Variants in DDB1 observed in about 807,000 individuals in gnomAD.
DDB1 encodes the protein damage specific DNA binding protein 1.
DDB1 carries 18 observed loss-of-function variants against 133.1 expected under a neutral mutation model. That is an observed-to-expected ratio of 0.14 (90% CI 0.09 to 0.20). The LOEUF (loss-of-function observed/expected upper bound fraction) is 0.20, where lower values mean the gene tolerates loss of function less well. DDB1 is among the 10% of genes least tolerant of loss of function. DDB1 has a pLI of 1.00. For missense variants in DDB1, 828 were observed against 1,459.2 expected (o/e 0.57, Z 7.05); for synonymous variants, 580 against 550.5 (o/e 1.05, Z -0.75).
chr11:61,314,209 G>A lies in DDB1; in HGVS notation c.1591C>T (p.His531Tyr). The A allele has an allele frequency of 6.2e-7, 1 of 1,600,320 alleles. No homozygotes were observed. Among genetic ancestry groups the A allele is most frequent in the Non-Finnish European group, 8.5e-7 (1 of 1,172,986 alleles). Residue 531 changes from histidine to tyrosine, a missense_variant and splice_region_variant, in exon 14 of 27, where the codon CAC (histidine) becomes TAC (tyrosine). This residue lies in a region of DDB1 where 396 missense variants were observed against 554.1 expected (regional missense o/e 0.71). Transcript: ENST00000301764. Reference sequence around the variant, plus strand: ...GCCACTTCATGTTCCATCTCTGTGTGGCTGAACAAAGAAGAATATGGCAGA... The same window carrying A: ...GCCACTTCATGTTCCATCTCTGTGTAGCTGAACAAAGAAGAATATGGCAGA... ...IHPQELRQIS[H>Y]TEMEHEVACL...
At chr11:61,330,152 A>G in intron 2 of DDB1, 78 bp from the exon 3 acceptor site, 1 of 1,191,600 alleles carries the variant, frequency 8.4e-7, no homozygotes. Flanking sequence ...AGCACACCAA[A>G]TTCTTTAAGA....
In DDB1 at chr11:61,333,002, C is replaced by A; in HGVS notation, c.-34G>T. 1 of 1,479,446 alleles carries A rather than the reference C, an allele frequency of 6.8e-7. No individual in the cohort carries two copies. The highest frequency in any genetic ancestry group is 9.0e-7 in the Non-Finnish European group (1 of 1,105,672). 91.6% of individuals were successfully genotyped at this position (1,479,446 alleles called of 1,614,324 possible). On this transcript the variant is annotated 5_prime_UTR_variant, in exon 1 of 27. Transcript: ENST00000301764. ...TTGGAGCGGCCCGTCGGGACTCGAG[C>A]GCGACACTAGAAAGAGGGACACAAG...
At chr11:61,332,193 A>T (rs1465318061) in intron 1 of DDB1, 1 of 158,420 alleles carries the variant, frequency 6.3e-6, no homozygotes, top group Non-Finnish European at 1.4e-5. Flanking sequence ...CTCCATCCAC[A>T]CTCAGCTACC....
At chr11:61,314,285 A>G (rs975282126) in intron 13 of DDB1, 23 bp downstream of exon 13, 3 of 1,599,454 alleles carry the variant, frequency 1.9e-6, no homozygotes, top group African/African-American at 2.7e-5. Context: ...GAGGAAAGCG[A>G]GCAGACAGAA....
rs1467891902 is a variant in DDB1 at position 61,313,652 on chromosome 11, C to T, written c.1916G>A (p.Arg639Lys). 3 of 1,613,980 alleles carry T rather than the reference C, an allele frequency of 1.9e-6. No homozygotes were observed. The highest frequency in any genetic ancestry group is 2.5e-6 in the Non-Finnish European group (3 of 1,179,982). The change falls in exon 16 of 27, where the codon AGG becomes AAG. Residue 639 changes from arginine (R) to lysine (K), a missense_variant. Physicochemically the swap from Arg to Lys is conservative, Grantham distance 26. Coordinates refer to ENST00000301764, the MANE Select transcript of DDB1 (RefSeq NM_001923.5). The stretch of plus-strand genomic sequence containing the variant: ...GGTGGTAGAAAGAGAACGAAAAGTC[C>T]TCAATACGGTGGGCTGGGTGCCCAA... The part of the protein sequence containing the change: ...VTLGTQPTVL[R>K]TFRSLSTTNV...
At chr11:61,302,917 C>CT (rs1855824867) in intron 23 of DDB1, 129 bp downstream of exon 23, 1 of 1,277,046 alleles carries the variant, frequency 7.8e-7, no homozygotes, top group Admixed American at 2.0e-5. Context: ...CTTTTATTCT[C>CT]TGACGAGGAA....
intron 11 of DDB1, 29 bp from the exon 12 acceptor site, chr11:61,316,422 C>G: frequency 6.2e-7 from 1 of 1,613,722 alleles, no homozygotes; most frequent in Non-Finnish European, 8.5e-7. Context: ...CCTGGGTCAG[C>G]CTGGGACCAG....
At chr11:61,302,953 C>T in intron 23 of DDB1, 93 bp downstream of exon 23, 1 of 1,346,052 alleles carries the variant, frequency 7.4e-7, no homozygotes, top group Non-Finnish European at 1.1e-6. Flanking sequence ...AACAGGAGCA[C>T]CTGAACCTGA....
rs762209551 is a variant in DDB1 at position 61,313,637 on chromosome 11, A to G, written c.1931T>C (p.Leu644Pro). 6.2e-7 allele frequency: 1 copy of G among 1,614,196 alleles called. No individual in the cohort carries two copies. The highest frequency in any genetic ancestry group is 1.1e-5 in the South Asian group (1 of 91,082). Residue 644 changes from leucine (L) to proline (P), a missense_variant, in exon 16 of 27, where the codon CTT (leucine) becomes CCT (proline). By Grantham distance (98) the Leu-to-Pro change is moderately conservative (BLOSUM62 -3). This residue lies in a region of DDB1 where 396 missense variants were observed against 554.1 expected (regional missense o/e 0.71). Transcript: ENST00000301764. ...QPTVLRTFRS[L>P]STTNVFACSD... The stretch of plus-strand genomic sequence containing the variant: ...ACAAGCAAAGACGTTGGTGGTAGAA[A>G]GAGAACGAAAAGTCCTCAATACGGT...
intron 4 of DDB1, chr11:61,327,625 G>T (rs1443717452): frequency 6.6e-6 from 1 of 152,150 alleles, no homozygotes; most frequent in Non-Finnish European, 1.5e-5. Flanking sequence ...ACAATTGATT[G>T]CTCCGCTAAA....
intron 10 of DDB1, 123 bp from the exon 11 acceptor site, chr11:61,316,690 G>T: frequency 9.6e-7 from 1 of 1,037,118 alleles, no homozygotes; most frequent in Non-Finnish European, 1.5e-6. Context: ...GGAAGGCAGA[G>T]GCAGGAGGAC....
At chr11:61,320,319 G>A (rs1022114316) in intron 10 of DDB1, among the ~76,000 whole-genome samples, 1 of 151,762 alleles carries the variant, frequency 6.6e-6, no homozygotes, top group Non-Finnish European at 1.5e-5. Context: ...TCCCGTCTCA[G>A]CCTCCCGAGT....
chr11:61,303,700 CAAAAAAA>C (rs59840297), intron 22 of DDB1, among the ~76,000 whole-genome samples, 158 bp downstream of exon 22: 88 of 44,250 alleles, frequency 2.0e-3, no homozygotes, highest in Non-Finnish European at 3.8e-3. Flanking sequence ...GACTGCGTCT[CAAAAAAA>C]AAAAAAAAAA....
intron 13 of DDB1, 48 bp from the exon 14 acceptor site, chr11:61,314,258 A>C (rs371676426): frequency 1.9e-6 from 3 of 1,591,684 alleles, no homozygotes; most frequent in Non-Finnish European, 2.6e-6. Flanking sequence ...GGCTCAAAGA[A>C]GTCCTAGAGA....
intron 10 of DDB1, among the ~76,000 whole-genome samples, chr11:61,317,857 C>T (rs895971554): frequency 2.6e-4 from 39 of 152,134 alleles, no homozygotes; most frequent in African/African-American, 9.2e-4. Flanking sequence ...TACCTCCCTC[C>T]AACCCATCCC....
At chr11:61,300,562 A>T (rs1414791110) in intron 26 of DDB1, among the ~76,000 whole-genome samples, 1 of 152,204 alleles carries the variant, frequency 6.6e-6, no homozygotes, top group Admixed American at 6.5e-5. Context: ...ATATGTCTTC[A>T]CTGCTCAAGG....
chr11:61,329,473 G>T lies in DDB1; in HGVS notation c.439C>A (p.Arg147Ser). 6.2e-7 allele frequency: 1 copy of T among 1,614,044 alleles called. No individual in the cohort carries two copies. The highest frequency in any genetic ancestry group is 8.5e-7 in the Non-Finnish European group (1 of 1,180,018). The stretch of plus-strand genomic sequence containing the variant: ...AAGGCCTTGAGTTCTTTATTATCGC[G>T]ATCTAGTGGAATAACCTTGAAAAGG... The part of the protein sequence containing the change: ...DGLFKVIPLD[R>S]DNKELKAFNI... The change falls in exon 4 of 27, where the codon CGC (arginine) becomes AGC (serine). Residue 147 changes from arginine (R) to serine (S), a missense_variant. This residue lies in a region of DDB1 where 210 missense variants were observed against 344.8 expected (regional missense o/e 0.61). Coordinates refer to ENST00000301764, the MANE Select transcript of DDB1 (RefSeq NM_001923.5).
At chr11:61,305,834 G>C (rs932965549) in intron 21 of DDB1, among the ~76,000 whole-genome samples, 4 of 152,174 alleles carry the variant, frequency 2.6e-5, no homozygotes, top group East Asian at 1.9e-4. Flanking sequence ...ACATGGCTAT[G>C]AAACACTTGA....
At chr11:61,310,983 G>C (rs1855956045) in intron 18 of DDB1, 1 of 152,386 alleles carries the variant, frequency 6.6e-6, no homozygotes, top group Admixed American at 6.5e-5. Flanking sequence ...GCCAGGCACA[G>C]TGGCTCACGC....
Sources: gnomAD v4.1 joint callset for allele counts (sites outside exome capture counted in the v4.1 genomes callset) on GRCh38, gnomAD v4.1.1 for gene constraint, gnomAD v4.1.1 regional missense constraint, MANE v1.5 for transcripts, NCBI Gene and HGNC (gene_info 2026-07-23, HGNC 2026-07-21) for gene names.